TUSC3: variants seen among roughly 807,000 people sequenced by gnomAD.
TUSC3 encodes dolichyl-diphosphooligosaccharide--protein glycosyltransferase subunit TUSC3.
Under a neutral mutation model 44.8 loss-of-function variants are expected in TUSC3, and 45 were observed. That is an observed-to-expected ratio of 1.00 (90% confidence interval 0.79 to 1.29). The LOEUF (loss-of-function observed/expected upper bound fraction) is 1.29, where lower values mean the gene tolerates loss of function less well. Among genes scored for constraint, TUSC3 ranks in the 50% most tolerant of loss-of-function variants. The pLI is 0.00. For synonymous variants in TUSC3, 212 were observed against 152.9 expected (o/e 1.39, Z -2.85); for missense variants, 519 against 437.9 (o/e 1.19, Z -1.65).
intron 1 of TUSC3, among the ~76,000 whole-genome samples, chr8:15,465,597 G>A (rs1456591318): frequency 6.6e-6 from 1 of 152,246 alleles, no homozygotes; most frequent in Non-Finnish European, 1.5e-5. Flanking sequence ...CCATAAAACT[G>A]CATTTACTAT....
At chr8:15,770,078 A>G (rs1394265151), downstream of TUSC3, among the ~76,000 whole-genome samples, 1 of 152,212 alleles carries the variant, frequency 6.6e-6, no homozygotes, top group East Asian at 1.9e-4. Context: ...TACACAAAGG[A>G]TTATAAATCA....
At chr8:15,796,826 G>A in the TUSC3 span, among the ~76,000 whole-genome samples, 1 of 152,208 alleles carries the variant, frequency 6.6e-6, no homozygotes, top group Admixed American at 6.5e-5. Context: ...AAGGCTCGGT[G>A]GGCCCTTCCC....
chr8:15,589,605 G>A (rs1274212301), intron 1 of TUSC3, among the ~76,000 whole-genome samples: 3 of 152,044 alleles, frequency 2.0e-5, no homozygotes, highest in African/African-American at 4.8e-5. Flanking sequence ...TATAAGTAAT[G>A]TACTAGATCT....
chr8:15,423,957 C>T (rs563244696), intron 1 of TUSC3, among the ~76,000 whole-genome samples: 1 of 76,564 alleles, frequency 1.3e-5, no homozygotes, highest in Non-Finnish European at 3.1e-5. Flanking sequence ...AGCATTCATA[C>T]TGTTTTGCTT....
chr8:15,537,318 C>G (rs1369165521), upstream of TUSC3, among the ~76,000 whole-genome samples: 1 of 152,144 alleles, frequency 6.6e-6, no homozygotes, highest in Middle Eastern at 3.2e-3. Context: ...CCCCTCCACC[C>G]CACTTTAAGT....
At chr8:15,779,504 G>A in the TUSC3 span, among the ~76,000 whole-genome samples, 1 of 152,290 alleles carries the variant, frequency 6.6e-6, no homozygotes, top group East Asian at 1.9e-4. Flanking sequence ...TATGGAAGCT[G>A]TCTAAACGTC....
intron 1 of TUSC3, among the ~76,000 whole-genome samples, chr8:15,590,205 G>C (rs1212761875): frequency 6.6e-6 from 1 of 152,184 alleles, no homozygotes; most frequent in African/African-American, 2.4e-5. Context: ...AGGAGTTTCT[G>C]ATTGGACTTT....
chr8:15,617,279 G>C (rs1446323097), intron 1 of TUSC3, among the ~76,000 whole-genome samples: 2 of 151,462 alleles, frequency 1.3e-5, no homozygotes, highest in Non-Finnish European at 2.9e-5. Flanking sequence ...AGCTGGGACT[G>C]CAGGTTCGTG....
chr8:15,677,513 T>G (rs998055577), intron 6 of TUSC3, among the ~76,000 whole-genome samples: 4 of 152,204 alleles, frequency 2.6e-5, no homozygotes, highest in Non-Finnish European at 5.9e-5. Flanking sequence ...GTCTGTCTTT[T>G]TTGGGGAAGT....
intron 1 of TUSC3, among the ~76,000 whole-genome samples, chr8:15,581,634 G>T (rs1481821940): frequency 2.7e-5 from 4 of 149,746 alleles, no homozygotes; most frequent in African/African-American, 1.0e-4. Context: ...CTGCTTGGGG[G>T]TCAGGGGTCA....
chr8:15,696,314 C>T (rs888367771), intron 6 of TUSC3, among the ~76,000 whole-genome samples: 1 of 152,138 alleles, frequency 6.6e-6, no homozygotes, highest in Admixed American at 6.5e-5. Context: ...AAGCTCCAAG[C>T]CTTGGCAGCT....
rs187982682 is a variant in TUSC3, at chr8:15,546,684, C to T, written c.138+6116C>T. Among the ~76,000 whole-genome samples the T allele has an allele frequency of 1.3e-4, 20 of 151,506 alleles. 2 individuals are homozygous for T. The East Asian group carries it at 2.4e-3, about 18-fold the overall frequency. Reference sequence around the variant, plus strand: ...CCGAGTAGCTGGGATTACAGGCATACGCCACCATGCCTGGCTAATTTCGTA... The same window carrying T: ...CCGAGTAGCTGGGATTACAGGCATATGCCACCATGCCTGGCTAATTTCGTA... On this transcript the variant is annotated intron_variant, in intron 1 of 10. Coordinates refer to ENST00000503731, the MANE Select transcript of TUSC3 (RefSeq NM_006765.4).
At chr8:15,620,787 C>T (rs1368251193) in intron 1 of TUSC3, among the ~76,000 whole-genome samples, 1 of 152,124 alleles carries the variant, frequency 6.6e-6, no homozygotes, top group African/African-American at 2.4e-5. Flanking sequence ...GTACCAGACT[C>T]AGGAGTCTCA....
At chr8:15,518,595 C>T (rs1033275910) in intron 2 of TUSC3, among the ~76,000 whole-genome samples, 1 of 152,054 alleles carries the variant, frequency 6.6e-6, no homozygotes, top group Non-Finnish European at 1.5e-5. Context: ...TATTTATATC[C>T]TTTCCTTTTT....
chr8:15,715,556 T>G (rs187901729), intron 6 of TUSC3, among the ~76,000 whole-genome samples: 27 of 152,240 alleles, frequency 1.8e-4, no homozygotes, highest in African/African-American at 5.1e-4. Flanking sequence ...CGGAACAGCC[T>G]GCAACTTAAA....
intron 6 of TUSC3, among the ~76,000 whole-genome samples, chr8:15,703,499 C>T (rs980564303): frequency 6.6e-6 from 1 of 151,882 alleles, no homozygotes; most frequent in Admixed American, 6.6e-5. Flanking sequence ...TGTCTTTGGC[C>T]ATTTGGGTTG....
chr8:15,603,406 G>T (rs994475277), intron 1 of TUSC3, among the ~76,000 whole-genome samples: 2 of 151,614 alleles, frequency 1.3e-5, no homozygotes, highest in Non-Finnish European at 3.0e-5. Context: ...CCCACATGTT[G>T]CTGGTAGGAG....
chr8:15,613,064 G>GAT (rs34594440), intron 1 of TUSC3, among the ~76,000 whole-genome samples: 111,516 of 144,414 alleles, frequency 0.77, 43,592 homozygotes, highest in Non-Finnish European at 0.85. Context: ...TTATATATAT[G>GAT]ATATATATAT....
Position 15,453,483 on chromosome 8 carries a change from C to T in TUSC3, n.92-29903C>T, listed in dbSNP as rs1001609882. Among the ~76,000 whole-genome samples the T allele has an allele frequency of 1.2e-4, 19 of 152,146 alleles. 1 individual carries two copies. Among genetic ancestry groups the T allele is most frequent in the African/African-American group, 4.3e-4 (18 of 41,422 alleles). Reference sequence around the variant, plus strand: ...TGATTTCTCTATCAGGCTTTTGAGTCTTGTCAACTTGTGCAAATTGACTTA... The same window carrying T: ...TGATTTCTCTATCAGGCTTTTGAGTTTTGTCAACTTGTGCAAATTGACTTA... On this transcript the variant is annotated intron_variant and non_coding_transcript_variant, in intron 1 of 5. Transcript: ENST00000503191.
Sources: gnomAD v4.1 joint callset for allele counts (sites outside exome capture counted in the v4.1 genomes callset) on GRCh38, gnomAD v4.1.1 for gene constraint, MANE v1.5 for transcripts, NCBI Gene and HGNC (gene_info 2026-07-23, HGNC 2026-07-21) for gene names.